The following RREB1 variants were observed in gnomAD, a reference collection of about 807,000 sequenced individuals.
RREB1 encodes ras-responsive element-binding protein 1.
In RREB1, 27 loss-of-function variants were observed where a neutral mutation model predicts 117.8. The observed-to-expected ratio is 0.23, with a 90% confidence interval of 0.17 to 0.32. RREB1 has a LOEUF of 0.32. Ranked by LOEUF, RREB1 falls within the 10% of genes least tolerant of loss-of-function variation. The probability of loss-of-function intolerance (pLI) is 1.00; values close to 1 mark genes in which losing one functional copy is unlikely to be tolerated. For missense variants in RREB1, 2,577 were observed against 2,378.2 expected, an observed-to-expected ratio of 1.08 and a Z score of -1.74; for synonymous variants, 1,298 against 1,026.7, an observed-to-expected ratio of 1.26 and a Z score of -5.05.
Position 7,230,973 on chromosome 6 carries a change from G to T in RREB1, c.2874G>T (p.Lys958Asn), listed in dbSNP as rs748770118. The change falls in exon 10 of 13, where the codon AAG becomes AAT. Residue 958 changes from lysine (K) to asparagine (N), a missense_variant. Lys to Asn is a moderately conservative substitution (Grantham distance 94). Coordinates refer to ENST00000379938, the MANE Select transcript of RREB1 (RefSeq NM_001003699.4). ...KDLATPSEAK[K>N]PEEEAGSSEQ... ...TGGCCACTCCCAGCGAAGCCAAGAAGCCTGAGGAGGAGGCGGGGAGCAGCG... is the reference window on the plus strand; with the variant it reads ...TGGCCACTCCCAGCGAAGCCAAGAATCCTGAGGAGGAGGCGGGGAGCAGCG... 38 of 1,614,016 alleles carry T rather than the reference G, an allele frequency of 2.4e-5. No homozygotes were observed. Among genetic ancestry groups the T allele is most frequent in the Non-Finnish European group, 2.8e-5 (33 of 1,180,004 alleles).
intron 1 of RREB1, among the ~76,000 whole-genome samples, chr6:7,148,750 C>A (rs779996674): frequency 2.1e-4 from 32 of 152,110 alleles, no homozygotes; most frequent in South Asian, 4.1e-4. Flanking sequence ...TGAATACTTT[C>A]CTTCCCCCTC....
intron 1 of RREB1, among the ~76,000 whole-genome samples, chr6:7,165,347 G>A (rs1443212217): frequency 6.6e-6 from 1 of 152,204 alleles, no homozygotes; most frequent in African/African-American, 2.4e-5. Context: ...AAGATAAAAG[G>A]AAAGAGTAGG....
intron 8 of RREB1, chr6:7,216,770 G>A (rs1448147347): frequency 1.4e-4 from 21 of 152,270 alleles, no homozygotes; most frequent in Non-Finnish European, 5.9e-5. Context: ...GGCAGAAACA[G>A]ATTTTAAACA....
chr6:7,211,328 A>G (rs1766578388), intron 7 of RREB1, among the ~76,000 whole-genome samples: 1 of 144,840 alleles, frequency 6.9e-6, no homozygotes, highest in South Asian at 2.2e-4. Flanking sequence ...GGGTGGATGG[A>G]TGGATGGACA....
At chr6:7,157,151 G>T (rs1012953124) in intron 1 of RREB1, among the ~76,000 whole-genome samples, 11 of 152,114 alleles carry the variant, frequency 7.2e-5, no homozygotes, top group Admixed American at 3.3e-4. Flanking sequence ...AAAATATTTG[G>T]CTGGGCGCGG....
chr6:7,196,218 GTTTTTTT>G (rs58448175), intron 6 of RREB1, among the ~76,000 whole-genome samples: 31 of 121,480 alleles, frequency 2.6e-4, no homozygotes, highest in African/African-American at 9.4e-4. Flanking sequence ...TTTTTTTTTC[GTTTTTTT>G]TTTTTGTTTT....
chr6:7,237,741 C>T (rs866664325), intron 10 of RREB1, among the ~76,000 whole-genome samples: 5 of 152,192 alleles, frequency 3.3e-5, no homozygotes, highest in Admixed American at 6.5e-5. Context: ...AAATACTAAA[C>T]GGGCCCGTTT....
At chr6:7,210,772 G>A (rs747763026) in intron 6 of RREB1, 32 bp from the exon 7 acceptor site, 2 of 1,571,316 alleles carry the variant, frequency 1.3e-6, no homozygotes, top group Non-Finnish European at 1.7e-6. Context: ...TTCTTTGTTA[G>A]ATCACATTGT....
intron 1 of RREB1, among the ~76,000 whole-genome samples, chr6:7,148,360 T>C (rs1193314432): frequency 6.6e-6 from 1 of 152,050 alleles, no homozygotes; most frequent in Non-Finnish European, 1.5e-5. Flanking sequence ...TGTTAGGGGA[T>C]GAGACAAGAA....
At chr6:7,137,715 G>A (rs566563099) in intron 1 of RREB1, among the ~76,000 whole-genome samples, 23 of 152,162 alleles carry the variant, frequency 1.5e-4, no homozygotes, top group Admixed American at 1.3e-3. Flanking sequence ...CGTGAGAGTC[G>A]TGTCTCTCTC....
chr6:7,176,402 A>C (rs147698663), intron 1 of RREB1, among the ~76,000 whole-genome samples: 174 of 152,078 alleles, frequency 1.1e-3, no homozygotes, highest in African/African-American at 4.0e-3. Flanking sequence ...GCTGCCCTTG[A>C]CGTTATTGGA....
Position 7,231,722 on chromosome 6 carries a change from T to C in RREB1, c.3623T>C (p.Val1208Ala). The change falls in exon 10 of 13, where the codon GTG (valine) becomes GCG (alanine). Residue 1208 changes from valine (V) to alanine (A), a missense_variant. Physicochemically the swap from Val to Ala is moderately conservative, Grantham distance 64. Transcript: ENST00000379938. Reference protein sequence around the residue: ...QTAEDNTQDEVAGAPADHHGP... With the variant: ...QTAEDNTQDEAAGAPADHHGP... ...GCGGAGGACAACACTCAGGATGAGG[T>C]GGCCGGAGCCCCTGCCGACCACCAT... 3 of 1,613,642 alleles carry C rather than the reference T, an allele frequency of 1.9e-6. No individual in the cohort carries two copies. Among genetic ancestry groups the C allele is most frequent in the Non-Finnish European group, 2.5e-6 (3 of 1,179,946 alleles).
chr6:7,117,823 T>C (rs1366704556), intron 1 of RREB1, among the ~76,000 whole-genome samples: 1 of 152,122 alleles, frequency 6.6e-6, no homozygotes, highest in Admixed American at 6.6e-5. Context: ...GCAGTCCTCC[T>C]ACCTCAGCCT....
chr6:7,123,091 T>A (rs750139496), intron 1 of RREB1, among the ~76,000 whole-genome samples: 1 of 152,194 alleles, frequency 6.6e-6, no homozygotes, highest in Non-Finnish European at 1.5e-5. Context: ...GGTATTGGCA[T>A]GTCTTACATA....
Position 7,229,155 on chromosome 6 carries a change from C to G in RREB1, c.1056C>G (p.Pro352=), listed in dbSNP as rs1274284900. ...DQGQEKPQAT[P]LPGDALDQKG... ...GTCAAGAAAAGCCGCAGGCCACGCC[C>G]CTGCCTGGTGACGCCCTGGACCAGA... is the stretch of plus-strand genomic sequence containing the variant. The change falls in exon 10 of 13, where the codon CCC becomes CCG. Residue 352 remains proline, a synonymous_variant. Transcript: ENST00000379938. This position sits in a 1 kb window ranked among gnomAD's most constrained non-coding sequence, Gnocchi z 4.5. The G allele has an allele frequency of 6.2e-7, 1 of 1,610,526 alleles. No homozygotes were observed.
rs1305841233 is a variant in RREB1 at position 7,230,318 on chromosome 6, G to A, written c.2219G>A (p.Ser740Asn). Residue 740 changes from serine to asparagine, a missense_variant, in exon 10 of 13, where the codon AGC (serine) becomes AAC (asparagine). Ser to Asn is a conservative substitution (Grantham distance 46). Coordinates refer to ENST00000379938, the MANE Select transcript of RREB1 (RefSeq NM_001003699.4). ...IEKNIEYVSS[S>N]AAELVDAFCA... ...AAGAACATCGAGTATGTGAGTAGCA[G>A]CGCGGCCGAGCTGGTGGACGCCTTC... is the stretch of plus-strand genomic sequence containing the variant. 4 of 1,588,292 alleles carry A rather than the reference G, an allele frequency of 2.5e-6. No homozygotes were observed. The highest frequency in any genetic ancestry group is 3.4e-6 in the Non-Finnish European group (4 of 1,172,294).
intron 2 of RREB1, among the ~76,000 whole-genome samples, chr6:7,180,609 A>G (rs911549779): frequency 6.6e-6 from 1 of 152,258 alleles, no homozygotes; most frequent in African/African-American, 2.4e-5. Flanking sequence ...AGGAACGCAC[A>G]TGGCCTGAAA....
intron 1 of RREB1, among the ~76,000 whole-genome samples, chr6:7,169,642 T>A (rs1764118138): frequency 6.6e-6 from 1 of 152,076 alleles, no homozygotes; most frequent in East Asian, 1.9e-4. Context: ...AGTAGTTAGA[T>A]CCTGGCAGGA....
chr6:7,149,304 T>G (rs1458098011), intron 1 of RREB1, among the ~76,000 whole-genome samples: 1 of 152,126 alleles, frequency 6.6e-6, no homozygotes, highest in Non-Finnish European at 1.5e-5. Context: ...TAAAAGCAAA[T>G]GATACCAAAG....
Sources: allele counts gnomAD v4.1 joint callset (sites outside exome capture counted in the v4.1 genomes callset), GRCh38; gene constraint gnomAD v4.1.1; non-coding constraint Gnocchi (gnomAD v3.1); transcripts MANE v1.5; gene names NCBI Gene and HGNC (gene_info 2026-07-23, HGNC 2026-07-21).